The following DISC1 variants were observed in gnomAD, a reference collection of about 807,000 sequenced individuals.
DISC1 encodes DISC1 scaffold protein, also known as disrupted in schizophrenia 1 protein.
In DISC1, 57 loss-of-function variants were observed where a neutral mutation model predicts 84.5. The observed-to-expected ratio is 0.67, with a 90% CI of 0.55 to 0.84. DISC1 has a LOEUF of 0.84. Among genes scored for constraint, DISC1 ranks in the 40% least tolerant of loss-of-function variants. DISC1 has a pLI of 0.00. For missense variants in DISC1, 1,000 were observed against 1,057.8 expected (o/e 0.95, Z 0.76); for synonymous variants, 411 against 415.2 (o/e 0.99, Z 0.12).
chr1:231,870,134 G>A (rs757880140), intron 9 of DISC1, among the ~76,000 whole-genome samples: 2 of 152,104 alleles, frequency 1.3e-5, no homozygotes, highest in Admixed American at 6.5e-5. Context: ...AGAAGATGAG[G>A]TTTGAACACT....
intron 9 of DISC1, among the ~76,000 whole-genome samples, chr1:231,945,970 T>G (rs986974790): frequency 2.0e-5 from 3 of 152,180 alleles, no homozygotes; most frequent in Non-Finnish European, 4.4e-5. Flanking sequence ...CAGCAATTAA[T>G]AGCCTACCAA....
rs145605138 is a variant in DISC1, at chr1:231,634,768, A to G, written c.67+7834A>G. Among the ~76,000 whole-genome samples, 333 of 152,288 alleles carry G rather than the reference A, an allele frequency of 2.2e-3. 3 individuals are homozygous for G. The highest frequency in any genetic ancestry group is 7.6e-3 in the African/African-American group (314 of 41,566). ...AGGGTACTTAAAAATGTAGAGTGCC[A>G]GGCATGGTGGTGCATGCCTATAGTC... is the stretch of plus-strand genomic sequence containing the variant. On this transcript the variant is annotated intron_variant, in intron 1 of 12. Transcript: ENST00000439617.
At chr1:231,642,469 C>T (rs922055074) in intron 1 of DISC1, among the ~76,000 whole-genome samples, 1 of 152,230 alleles carries the variant, frequency 6.6e-6, no homozygotes, top group Non-Finnish European at 1.5e-5. Flanking sequence ...TGTCACCTCT[C>T]GTGAGTATCT....
At chr1:232,011,481 T>C (rs1452791272) in intron 11 of DISC1, among the ~76,000 whole-genome samples, 1 of 152,228 alleles carries the variant, frequency 6.6e-6, no homozygotes, top group Non-Finnish European at 1.5e-5. Flanking sequence ...CTGGATTTAT[T>C]TTCACAGAGA....
intron 8 of DISC1, among the ~76,000 whole-genome samples, chr1:231,804,050 C>G (rs186858599): frequency 1.1e-3 from 169 of 149,002 alleles, no homozygotes; most frequent in African/African-American, 4.0e-3. Flanking sequence ...AAGCAAGTCA[C>G]TAAGTTCAGT....
intron 11 of DISC1, among the ~76,000 whole-genome samples, chr1:232,018,081 C>T (rs1236679953): frequency 6.6e-6 from 1 of 151,668 alleles, no homozygotes; most frequent in Non-Finnish European, 1.5e-5. Context: ...GTAGAATTGG[C>T]AGCCACAGTA....
intron 9 of DISC1, among the ~76,000 whole-genome samples, chr1:231,837,099 A>C (rs2082680464): frequency 6.6e-6 from 1 of 152,194 alleles, no homozygotes; most frequent in Admixed American, 6.5e-5. Context: ...TACAATATAA[A>C]ATTTAGAGTA....
rs146219566 is a variant in DISC1 at position 232,022,585 on chromosome 1, C to T, written c.2308-3850C>T. On this transcript the variant is annotated intron_variant, in intron 11 of 12. Coordinates refer to ENST00000439617, the MANE Select transcript of DISC1 (RefSeq NM_018662.3). ...CCTCCCAAAGTGCTGGGATTACAGG[C>T]GTGAGCCACCGCACCCAGCCAATAC... Among the ~76,000 whole-genome samples, 1,356 of 152,208 alleles carry T rather than the reference C, an allele frequency of 8.9e-3. 23 individuals are homozygous for T. The highest frequency in any genetic ancestry group is 0.029 in the African/African-American group (1,225 of 41,532).
intron 7 of DISC1, among the ~76,000 whole-genome samples, chr1:231,798,128 CACACACAT>C (rs1479280494): frequency 2.0e-5 from 3 of 151,372 alleles, no homozygotes; most frequent in African/African-American, 7.3e-5. Context: ...CACACACACA[CACACACAT>C]ACACACACAC....
chr1:231,892,165 G>T (rs1407599), intron 9 of DISC1, among the ~76,000 whole-genome samples: 46,689 of 152,048 alleles, frequency 0.31, 7,371 homozygotes, highest in Non-Finnish European at 0.34. Context: ...GCCACATAAT[G>T]TTGGATAATG....
intron 4 of DISC1, among the ~76,000 whole-genome samples, chr1:231,751,860 T>G (rs2074634018): frequency 1.3e-5 from 2 of 152,252 alleles, no homozygotes; most frequent in Admixed American, 1.3e-4. Context: ...AGTTTGCTCA[T>G]TCATTCATTA....
chr1:231,634,856 C>T (rs966585404), intron 1 of DISC1, among the ~76,000 whole-genome samples: 9 of 151,674 alleles, frequency 5.9e-5, no homozygotes, highest in East Asian at 1.9e-4. Flanking sequence ...GGTGGCAGTG[C>T]GCTATGCTTG....
intron 1 of DISC1, among the ~76,000 whole-genome samples, chr1:231,659,256 G>T (rs1397500982): frequency 6.6e-6 from 1 of 152,078 alleles, no homozygotes; most frequent in African/African-American, 2.4e-5. Flanking sequence ...AGATTTTTTA[G>T]TCTATGTGCA....
intron 1 of DISC1, among the ~76,000 whole-genome samples, chr1:231,689,618 C>T (rs544273582): frequency 6.6e-6 from 1 of 152,310 alleles, no homozygotes; most frequent in Non-Finnish European, 1.5e-5. Context: ...AGGCATGAGC[C>T]ACTGCTCCAG....
At chr1:231,899,532 G>T (rs200313655) in intron 9 of DISC1, among the ~76,000 whole-genome samples, 1 of 152,144 alleles carries the variant, frequency 6.6e-6, no homozygotes, top group Non-Finnish European at 1.5e-5. Flanking sequence ...TTAAAATGCT[G>T]CATCTGGTTT....
intron 9 of DISC1, among the ~76,000 whole-genome samples, chr1:231,893,175 CA>C (rs905313244): frequency 1.3e-5 from 2 of 151,374 alleles, no homozygotes; most frequent in African/African-American, 4.9e-5. Context: ...AAAACAAAAA[CA>C]AAAAACAATG....
chr1:231,811,074 CTG>C (rs2080247215), intron 8 of DISC1, among the ~76,000 whole-genome samples: 1 of 152,144 alleles, frequency 6.6e-6, no homozygotes, highest in Admixed American at 6.5e-5. Context: ...TTGGAAAGTT[CTG>C]TGTGTCCAGT....
At chr1:231,985,391 A>G (rs1182027632) in intron 10 of DISC1, among the ~76,000 whole-genome samples, 1 of 151,342 alleles carries the variant, frequency 6.6e-6, no homozygotes, top group Admixed American at 6.6e-5. Flanking sequence ...TCAGTGTGTT[A>G]TTATGCAGAC....
chr1:231,797,603 C>G (rs971001384), intron 7 of DISC1, among the ~76,000 whole-genome samples: 1 of 152,128 alleles, frequency 6.6e-6, no homozygotes, highest in African/African-American at 2.4e-5. Flanking sequence ...ATGGGGGCCC[C>G]ACCTTCATGA....
Sources: allele counts gnomAD v4.1 joint callset (sites outside exome capture counted in the v4.1 genomes callset), GRCh38; gene constraint gnomAD v4.1.1; transcripts MANE v1.5; gene names NCBI Gene and HGNC (gene_info 2026-07-23, HGNC 2026-07-21).